Variants in DRAM1 observed in about 807,000 individuals in gnomAD.
The protein encoded by DRAM1 is DNA damage regulated autophagy modulator 1.
DRAM1 carries 25 observed loss-of-function variants against 28.5 expected under a neutral mutation model. The ratio of observed to expected loss-of-function variants is 0.88; its 90% CI spans 0.64 to 1.23. The LOEUF (loss-of-function observed/expected upper bound fraction) is 1.23, where lower values mean the gene tolerates loss of function less well. DRAM1 is among the 50% of genes most tolerant of loss of function. The pLI is 0.00. For synonymous variants in DRAM1, 113 were observed against 114.2 expected, an observed-to-expected ratio of 0.99 and a Z score of 0.07; for missense variants, 249 against 299.2, an observed-to-expected ratio of 0.83 and a Z score of 1.24.
intron 4 of DRAM1, among the ~76,000 whole-genome samples, chr12:101,911,206 GC>G (rs1369390176): frequency 6.6e-6 from 1 of 152,166 alleles, no homozygotes; most frequent in Non-Finnish European, 1.5e-5. Flanking sequence ...CTGCACTCCA[GC>G]CCAGATGACA....
At chr12:101,879,234 G>A (rs756170683) in intron 1 of DRAM1, among the ~76,000 whole-genome samples, 1 of 152,138 alleles carries the variant, frequency 6.6e-6, no homozygotes, top group Admixed American at 6.5e-5. Context: ...CTGACCTCAA[G>A]TGATCCTCTT....
intron 1 of DRAM1, among the ~76,000 whole-genome samples, chr12:101,888,759 C>G (rs1225599458): frequency 2.0e-5 from 3 of 147,228 alleles, no homozygotes; most frequent in Non-Finnish European, 4.5e-5. Context: ...TTGACTGATG[C>G]AGGGCTGATG....
chr12:101,893,923 TAAAA>T (rs1259788035), intron 1 of DRAM1, among the ~76,000 whole-genome samples: 2 of 108,634 alleles, frequency 1.8e-5, no homozygotes, highest in South Asian at 3.3e-4. Flanking sequence ...TGTTTTTTTT[TAAAA>T]TTAATTAATT....
chr12:101,881,384 G>A (rs1872681683), intron 1 of DRAM1, among the ~76,000 whole-genome samples: 1 of 151,848 alleles, frequency 6.6e-6, no homozygotes, highest in African/African-American at 2.4e-5. Context: ...TTTTGGAGGT[G>A]GGGTCTTGCT....
At chr12:101,893,743 T>C (rs1224915473) in intron 1 of DRAM1, among the ~76,000 whole-genome samples, 2 of 152,058 alleles carry the variant, frequency 1.3e-5, no homozygotes, top group African/African-American at 2.4e-5. Flanking sequence ...ACATAGTCAA[T>C]GCTCAGTAAG....
chr12:101,890,224 A>G (rs1044476198), intron 1 of DRAM1: 4 of 341,548 alleles, frequency 1.2e-5, no homozygotes, highest in Non-Finnish European at 1.7e-5. Flanking sequence ...GATTACAGGT[A>G]TGTGCCACCA....
Position 101,901,342 on chromosome 12 carries a change from C to T in DRAM1, c.251C>T (p.Thr84Ile). 1 of 1,614,092 alleles carries T rather than the reference C, an allele frequency of 6.2e-7. No individual in the cohort carries two copies. Among genetic ancestry groups the T allele is most frequent in the Non-Finnish European group, 8.5e-7 (1 of 1,180,006 alleles). The change falls in exon 3 of 7, where the codon ACC (threonine) becomes ATC (isoleucine). Residue 84 changes from threonine to isoleucine, a missense_variant. Coordinates refer to ENST00000258534, the MANE Select transcript of DRAM1 (RefSeq NM_018370.3). ...RYKIVQKQNQ[T>I]CYFSTPVFNL... The stretch of plus-strand genomic sequence containing the variant: ...AAAATAGTACAGAAGCAAAATCAAA[C>T]CTGCTATTTCAGCACTCCTGTTTTT...
At chr12:101,915,990 G>A (rs7960780) in intron 5 of DRAM1, among the ~76,000 whole-genome samples, 86,044 of 152,090 alleles carry the variant, frequency 0.57, 26,615 homozygotes, top group African/African-American at 0.82. Flanking sequence ...ACTAGTTCAC[G>A]TTTCAAATAG....
intron 2 of DRAM1, among the ~76,000 whole-genome samples, chr12:101,898,602 A>G (rs940290602): frequency 3.3e-5 from 5 of 152,198 alleles, no homozygotes; most frequent in African/African-American, 1.2e-4. Flanking sequence ...TGTATTCTGA[A>G]GGCAAGCTGA....
chr12:101,915,080 T>C (rs1047906907), intron 5 of DRAM1, among the ~76,000 whole-genome samples: 2 of 150,318 alleles, frequency 1.3e-5, no homozygotes, highest in African/African-American at 2.4e-5. Context: ...CCCGGGTTCA[T>C]GCCATTCTCC....
intron 5 of DRAM1, among the ~76,000 whole-genome samples, chr12:101,915,927 C>T (rs1383997395): frequency 6.6e-6 from 1 of 152,082 alleles, no homozygotes; most frequent in Non-Finnish European, 1.5e-5. Flanking sequence ...AGAAGCAATG[C>T]CTGGGATGGC....
intron 1 of DRAM1, among the ~76,000 whole-genome samples, chr12:101,879,203 G>A (rs986758537): frequency 6.6e-6 from 1 of 151,976 alleles, no homozygotes; most frequent in Admixed American, 6.6e-5. Flanking sequence ...TCACTATGTT[G>A]GTCAGGCTGG....
At chr12:101,906,015 C>T (rs1035304162) in intron 3 of DRAM1, among the ~76,000 whole-genome samples, 3 of 151,812 alleles carry the variant, frequency 2.0e-5, no homozygotes, top group Non-Finnish European at 4.4e-5. Context: ...GTCTCAAAGT[C>T]CTGACCTTGT....
intron 5 of DRAM1, among the ~76,000 whole-genome samples, chr12:101,918,283 C>T (rs181608346): frequency 6.6e-6 from 1 of 152,198 alleles, no homozygotes; most frequent in South Asian, 2.1e-4. Context: ...AGGGCTTTGC[C>T]TGCATTCAGG....
At chr12:101,910,060 T>C (rs1873981929) in intron 4 of DRAM1, among the ~76,000 whole-genome samples, 1 of 152,230 alleles carries the variant, frequency 6.6e-6, no homozygotes, top group Admixed American at 6.5e-5. Context: ...TTTTCTAAAA[T>C]AGAAACTACA....
intron 1 of DRAM1, 124 bp downstream of exon 1, chr12:101,878,044 A>G: frequency 7.8e-7 from 1 of 1,284,528 alleles, no homozygotes; most frequent in Non-Finnish European, 1.0e-6. Context: ...CAGAGGTGGG[A>G]GCAGGAGGAG....
At chr12:101,918,722 G>A (rs1398768052) in intron 5 of DRAM1, among the ~76,000 whole-genome samples, 20 of 152,158 alleles carry the variant, frequency 1.3e-4, no homozygotes, top group African/African-American at 3.6e-4. Context: ...GCCAAGGGCA[G>A]AGCAGCCCAT....
At chr12:101,910,145 G>A (rs536701027) in intron 4 of DRAM1, among the ~76,000 whole-genome samples, 13 of 152,198 alleles carry the variant, frequency 8.5e-5, no homozygotes, top group African/African-American at 3.1e-4. Flanking sequence ...AAAATTTCCA[G>A]GCACAGAGTA....
chr12:101,911,221 T>G (rs1874029218), intron 4 of DRAM1, among the ~76,000 whole-genome samples: 1 of 152,004 alleles, frequency 6.6e-6, no homozygotes, highest in South Asian at 2.1e-4. Flanking sequence ...GATGACAGAG[T>G]GAGACTCCGT....
Sources: allele counts gnomAD v4.1 joint callset (sites outside exome capture counted in the v4.1 genomes callset), GRCh38; gene constraint gnomAD v4.1.1; transcripts MANE v1.5; gene names NCBI Gene and HGNC (gene_info 2026-07-23, HGNC 2026-07-21).